The following TENM3 variants were observed in gnomAD, a reference collection of about 807,000 sequenced individuals.
TENM3 encodes teneurin-3.
TENM3 carries 63 observed loss-of-function variants against 255.1 expected under a neutral mutation model. That is an observed-to-expected ratio of 0.25 (90% CI 0.20 to 0.30). The LOEUF (loss-of-function observed/expected upper bound fraction) is 0.30. Ranked by LOEUF, TENM3 falls within the 10% of genes least tolerant of loss-of-function variation. The probability of loss-of-function intolerance (pLI) is 1.00; values close to 1 mark genes in which losing one functional copy is unlikely to be tolerated. For synonymous variants in TENM3, 1,306 were observed against 1,322.3 expected, an observed-to-expected ratio of 0.99 and a Z score of 0.27; for missense variants, 2,929 against 3,461.1, an observed-to-expected ratio of 0.85 and a Z score of 3.86.
chr4:181,821,887 G>C, the TENM3 span, among the ~76,000 whole-genome samples: 451 of 152,280 alleles, frequency 3.0e-3, 7 homozygotes, highest in African/African-American at 0.01. Flanking sequence ...AGAATGTTTG[G>C]AAGTACAAGG....
At chr4:181,566,849 T>A in the TENM3 span, among the ~76,000 whole-genome samples, 1 of 152,198 alleles carries the variant, frequency 6.6e-6, no homozygotes, top group Admixed American at 6.5e-5. Flanking sequence ...TTAGGCTGCT[T>A]CGCCACATCA....
the TENM3 span, among the ~76,000 whole-genome samples, chr4:181,915,157 C>T: frequency 2.6e-5 from 4 of 152,194 alleles, no homozygotes; most frequent in African/African-American, 7.2e-5. Flanking sequence ...ACTTAGAGTG[C>T]GTCTGGGCTG....
chr4:182,781,997 A>G (rs1765211020), intron 24 of TENM3, among the ~76,000 whole-genome samples: 1 of 131,472 alleles, frequency 7.6e-6, no homozygotes, highest in African/African-American at 2.9e-5. Flanking sequence ...GATCCTTTCA[A>G]AAAACCAGCT....
At chr4:182,615,028 G>GAA (rs751141011) in intron 4 of TENM3, among the ~76,000 whole-genome samples, 16,172 of 88,458 alleles carry the variant, frequency 0.18, 1,382 homozygotes, top group Non-Finnish European at 0.25. Context: ...ATGTTTCTCA[G>GAA]AAAAAAAAAA....
chr4:181,849,949 TCACACA>T, the TENM3 span, among the ~76,000 whole-genome samples: 11 of 65,956 alleles, frequency 1.7e-4, no homozygotes, highest in East Asian at 7.3e-4. Context: ...TCTCTCTCTC[TCACACA>T]CACACACACA....
chr4:181,557,961 A>T, the TENM3 span, among the ~76,000 whole-genome samples: 44,275 of 152,144 alleles, frequency 0.29, 7,165 homozygotes, highest in Non-Finnish European at 0.36. Flanking sequence ...CTAAAGTGTT[A>T]CATGTTCCTA....
At chr4:182,167,224 A>G (rs977190775) in intron 1 of TENM3, among the ~76,000 whole-genome samples, 5 of 152,230 alleles carry the variant, frequency 3.3e-5, no homozygotes, top group African/African-American at 1.2e-4. Context: ...AGAAAGCTTG[A>G]GAGGATAGGG....
At chr4:182,411,309 G>C (rs556401081) in intron 3 of TENM3, among the ~76,000 whole-genome samples, 1 of 152,344 alleles carries the variant, frequency 6.6e-6, no homozygotes, top group South Asian at 2.1e-4. Flanking sequence ...TTCATGGAGA[G>C]TTTTTGACTA....
the TENM3 span, chr4:181,522,870 G>A: frequency 2.0e-6 from 2 of 995,082 alleles, no homozygotes; most frequent in Admixed American, 1.8e-5. Context: ...TGTTTGTGCT[G>A]TTATTGTGGT....
chr4:182,598,039 T>C lies in TENM3; in HGVS notation c.512-2885T>C, dbSNP rs1055868652. ...TACAAAAAATTTAAAAATTAGCCAGTGAGGTGGCTCATGCCTGTGATCCCA... is the reference window on the plus strand; with the variant it reads ...TACAAAAAATTTAAAAATTAGCCAGCGAGGTGGCTCATGCCTGTGATCCCA... On this transcript the variant is annotated intron_variant, in intron 3 of 27. Transcript: ENST00000511685. Among the ~76,000 whole-genome samples the C allele has an allele frequency of 2.0e-5, 3 of 151,980 alleles. No homozygotes were observed. The East Asian group carries it at 5.8e-4, about 29-fold the overall frequency.
intron 1 of TENM3, among the ~76,000 whole-genome samples, chr4:182,172,128 T>A (rs1489544795): frequency 6.6e-6 from 1 of 152,036 alleles, no homozygotes; most frequent in African/African-American, 2.4e-5. Flanking sequence ...CTGTGAAATG[T>A]CTGTCGTGTT....
chr4:181,483,060 C>G, the TENM3 span, among the ~76,000 whole-genome samples: 1 of 152,132 alleles, frequency 6.6e-6, no homozygotes, highest in Non-Finnish European at 1.5e-5. Context: ...AAATGTAAAA[C>G]TACAGCTGTG....
At chr4:181,691,460 ATGACAT>A in the TENM3 span, among the ~76,000 whole-genome samples, 2 of 152,140 alleles carry the variant, frequency 1.3e-5, no homozygotes, top group Middle Eastern at 3.2e-3. Flanking sequence ...TAGAAAGTGA[ATGACAT>A]CTTATAAAAG....
intron 3 of TENM3, among the ~76,000 whole-genome samples, chr4:182,524,976 G>T (rs1739005394): frequency 6.6e-6 from 1 of 152,130 alleles, no homozygotes; most frequent in Non-Finnish European, 1.5e-5. Flanking sequence ...GTTGCAGGGA[G>T]CCAAGATCAC....
chr4:182,160,890 A>G (rs1261005351), intron 1 of TENM3, among the ~76,000 whole-genome samples: 1 of 144,288 alleles, frequency 6.9e-6, no homozygotes, highest in African/African-American at 2.6e-5. Context: ...AGCCTGATAC[A>G]TCCTTCCGTA....
intron 6 of TENM3, 85 bp from the exon 7 acceptor site, chr4:182,672,920 A>C (rs903921054): frequency 1.0e-6 from 1 of 992,912 alleles, no homozygotes; most frequent in Non-Finnish European, 1.5e-6. Context: ...TGGTAAAAAT[A>C]ACTTTTTCAA....
chr4:181,897,521 T>C, the TENM3 span, among the ~76,000 whole-genome samples: 1 of 152,238 alleles, frequency 6.6e-6, no homozygotes, highest in Non-Finnish European at 1.5e-5. Flanking sequence ...GGCATTCTTA[T>C]GATACTGACT....
In TENM3 at chr4:182,516,919, A is replaced by G. The variant is rs563195457; in HGVS notation, c.512-84005A>G. ...AAAAAAAAAAATGTAGGATTATTGT[A>G]TATCACATGAAAAAAACCAGAGAGT... On this transcript the variant is annotated intron_variant, in intron 3 of 27. Transcript: ENST00000511685. 7.2e-5 allele frequency among the ~76,000 whole-genome samples: 11 copies of G among 152,024 alleles called. No homozygotes were observed. In the South Asian group the frequency reaches 1.9e-3, roughly 26 times the overall value.
intron 3 of TENM3, among the ~76,000 whole-genome samples, chr4:182,489,735 T>C (rs1392438925): frequency 2.0e-5 from 3 of 152,020 alleles, no homozygotes; most frequent in Admixed American, 6.6e-5. Context: ...CTATTTCTTT[T>C]CTTTTCTCCT....
Sources: allele counts gnomAD v4.1 joint callset (sites outside exome capture counted in the v4.1 genomes callset), GRCh38; gene constraint gnomAD v4.1.1; transcripts MANE v1.5; gene names NCBI Gene and HGNC (gene_info 2026-07-23, HGNC 2026-07-21).